Variants in PLEKHG2 observed in about 807,000 individuals in gnomAD.
PLEKHG2 encodes pleckstrin homology and RhoGEF domain containing G2.
Under a neutral mutation model 104.4 loss-of-function variants are expected in PLEKHG2, and 71 were observed. That is an observed-to-expected ratio of 0.68 (90% CI 0.56 to 0.83). The LOEUF (loss-of-function observed/expected upper bound fraction) is 0.83. Among genes scored for constraint, PLEKHG2 ranks in the 40% least tolerant of loss-of-function variants. The pLI, the probability that PLEKHG2 is intolerant of heterozygous loss-of-function variation, is 0.00. For missense variants in PLEKHG2, 1,730 were observed against 1,809.4 expected (o/e 0.96, Z 0.80); for synonymous variants, 728 against 737.0 (o/e 0.99, Z 0.20).
At position 39,423,887 on chromosome 19, in the gene PLEKHG2, T is replaced by A. The variant is rs754870838; in HGVS notation, c.2754T>A (p.His918Gln). The A allele has an allele frequency of 6.2e-7, 1 of 1,614,236 alleles. No homozygotes were observed. Among genetic ancestry groups the A allele is most frequent in the Non-Finnish European group, 8.5e-7 (1 of 1,180,044 alleles). Residue 918 changes from histidine to glutamine, a missense_variant, in exon 19 of 19, where the codon CAT (histidine) becomes CAA (glutamine). Transcript: ENST00000425673. Reference protein sequence around the residue: ...QGGSPDGQGLHVSNLPKQDLP... With the variant: ...QGGSPDGQGLQVSNLPKQDLP... ...GCAGCCCGGATGGCCAGGGTCTACA[T>A]GTTTCCAATTTGCCTAAGCAAGACC...
chr19:39,423,982 C>T lies in PLEKHG2; in HGVS notation c.2849C>T (p.Pro950Leu). Residue 950 changes from proline (P) to leucine (L), a missense_variant, in exon 19 of 19, where the codon CCA (proline) becomes CTA (leucine). By Grantham distance (98) the Pro-to-Leu change is moderately conservative. Transcript: ENST00000425673. ...GGAGGTTCCCGGCATGTCCAGGCTCCAGCCGCCACACCTTTGCCCAAGCAA... is the reference window on the plus strand; with the variant it reads ...GGAGGTTCCCGGCATGTCCAGGCTCTAGCCGCCACACCTTTGCCCAAGCAA... ...EQGGSRHVQA[P>L]AATPLPKQEG... 1 of 1,614,146 alleles carries T rather than the reference C, an allele frequency of 6.2e-7. No homozygotes were observed.
chr19:39,418,544 ACT>A (rs1029249277), intron 9 of PLEKHG2, among the ~76,000 whole-genome samples, 188 bp from the exon 10 acceptor site: 4 of 150,998 alleles, frequency 2.6e-5, no homozygotes, highest in Admixed American at 1.3e-4. Flanking sequence ...ATGCCACTGC[ACT>A]CCAGCCTGGG....
Position 39,423,781 on chromosome 19 carries a change from C to T in PLEKHG2, c.2648C>T (p.Pro883Leu), listed in dbSNP as rs201098199. ...GTGCTGGTATGTGAGCTGGCCTTCC[C>T]ACTGACATGTGCCCAGGAGTCTGTC... ...GHVLVCELAF[P>L]LTCAQESVPL... The change falls in exon 19 of 19, where the codon CCA becomes CTA. Residue 883 changes from proline to leucine, a missense_variant. Pro to Leu is a moderately conservative substitution (Grantham distance 98). Coordinates refer to ENST00000425673, the MANE Select transcript of PLEKHG2 (RefSeq NM_022835.3). 1.2e-6 allele frequency: 2 copies of T among 1,613,992 alleles called. No homozygotes were observed. Among genetic ancestry groups the T allele is most frequent in the Admixed American group, 1.7e-5 (1 of 59,996 alleles).
In PLEKHG2 at chr19:39,424,857, G is replaced by A. The variant is rs138840836; in HGVS notation, c.3724G>A (p.Gly1242Ser). The A allele has an allele frequency of 1.1e-5, 17 of 1,614,068 alleles. No individual in the cohort carries two copies. Among genetic ancestry groups the A allele is most frequent in the Non-Finnish European group, 1.4e-5 (17 of 1,180,040 alleles). The stretch of plus-strand genomic sequence containing the variant: ...CACCATGGTTTTGTCCAAACCAGGA[G>A]GCTCCTTAGCCTCTCACGTTGCCAG... ...QTTMVLSKPGGSLASHVARLE... is the reference protein window; with the variant it reads ...QTTMVLSKPGSSLASHVARLE... Residue 1242 changes from glycine to serine, a missense_variant, in exon 19 of 19, where the codon GGC (glycine) becomes AGC (serine). Physicochemically the swap from Gly to Ser is moderately conservative, Grantham distance 56. Coordinates refer to ENST00000425673, the MANE Select transcript of PLEKHG2 (RefSeq NM_022835.3).
At chr19:39,419,356 A>T (rs1451840860) in intron 11 of PLEKHG2, among the ~76,000 whole-genome samples, 1 of 151,368 alleles carries the variant, frequency 6.6e-6, no homozygotes, top group Non-Finnish European at 1.5e-5. Context: ...CAGCACTTCG[A>T]GGGGGTGATG....
Position 39,417,913 on chromosome 19 carries a change from G to T in PLEKHG2, c.891G>T (p.Gln297His). Residue 297 changes from glutamine (Q) to histidine (H), a missense_variant, in exon 9 of 19, where the codon CAG becomes CAT. Physicochemically the swap from Gln to His is conservative, Grantham distance 24 (BLOSUM62 0). Coordinates refer to ENST00000425673, the MANE Select transcript of PLEKHG2 (RefSeq NM_022835.3). ...TGGCGGGGTCCCGGCAGGAAGTGCAGCGGCGGCTGGGTGGCTGGACCGGAC... is the reference window on the plus strand; with the variant it reads ...TGGCGGGGTCCCGGCAGGAAGTGCATCGGCGGCTGGGTGGCTGGACCGGAC... ...QEHAARLQEV[Q>H]RRLGGWTGPE... 1 of 1,541,132 alleles carries T rather than the reference G, an allele frequency of 6.5e-7. No homozygotes were observed.
rs1474690454 is a variant in PLEKHG2, at chr19:39,426,702, T to C, written c.*1408T>C. 6.6e-6 allele frequency: 1 copy of C among 152,200 alleles called. No individual in the cohort carries two copies. Among genetic ancestry groups the C allele is most frequent in the Non-Finnish European group, 1.5e-5 (1 of 68,048 alleles). 9.4% of individuals were successfully genotyped at this position (152,200 alleles called of 1,614,324 possible). On this transcript the variant is annotated 3_prime_UTR_variant, in exon 19 of 19. Transcript: ENST00000425673. ...CTTCCCTCCTGGGATCATTGAAAGA[T>C]TTAGGGAGCATATCCTTCCACTTCC...
rs376990743 is a variant in PLEKHG2, at chr19:39,416,318, C to T, written c.480-30C>T. On this transcript the variant is annotated intron_variant, in intron 4 of 18. Transcript: ENST00000425673. The surrounding 1 kb of genome is among the most constrained non-coding windows in gnomAD (Gnocchi z 4.5). Reference sequence around the variant, plus strand: ...CCCATGGAGGGGTCGTGAAGGCAGGCGGTTCCTCACCCTCCCCTCTCCCCT... The same window carrying T: ...CCCATGGAGGGGTCGTGAAGGCAGGTGGTTCCTCACCCTCCCCTCTCCCCT... 2.4e-5 allele frequency: 39 copies of T among 1,609,884 alleles called. No homozygotes were observed. Among genetic ancestry groups the T allele is most frequent in the Middle Eastern group, 4.1e-4 (2 of 4,830 alleles).
Position 39,417,013 on chromosome 19 carries a change from C to T in PLEKHG2, c.744+13C>T, listed in dbSNP as rs745980969. ...TCTGCTGCTGCAGGTCAGCTGGGGC[C>T]CCTGGAGCCAGGCTGGGGAGGGGGA... On this transcript the variant is annotated intron_variant, in intron 7 of 18. Coordinates refer to ENST00000425673, the MANE Select transcript of PLEKHG2 (RefSeq NM_022835.3). The T allele has an allele frequency of 1.3e-6, 2 of 1,588,730 alleles. No individual in the cohort carries two copies. The highest frequency in any genetic ancestry group is 2.2e-5 in the South Asian group (2 of 89,058).
intron 7 of PLEKHG2, 33 bp downstream of exon 7, chr19:39,417,033 G>A (rs763986023): frequency 1.3e-6 from 2 of 1,573,942 alleles, no homozygotes; most frequent in Admixed American, 1.8e-5. Flanking sequence ...AGGCTGGGGA[G>A]GGGGAGGTCC....
In PLEKHG2 at chr19:39,415,104, C is replaced by T. The variant is rs1418852574; in HGVS notation, c.222C>T (p.Ala74=). The part of the protein sequence containing the change: ...PAPGPTPACS[A]SRPEPLPGPP... ...CTGGGCCCACTCCAGCCTGCTCAGCCTCCAGGCCAGAGCCCCTTCCAGGGC... is the reference window on the plus strand; with the variant it reads ...CTGGGCCCACTCCAGCCTGCTCAGCTTCCAGGCCAGAGCCCCTTCCAGGGC... The change falls in exon 3 of 19, where the codon GCC becomes GCT. Residue 74 remains alanine, a synonymous_variant. Coordinates refer to ENST00000425673, the MANE Select transcript of PLEKHG2 (RefSeq NM_022835.3). This position sits in a 1 kb window ranked among gnomAD's most constrained non-coding sequence, Gnocchi z 4.6. 6.3e-7 allele frequency: 1 copy of T among 1,595,762 alleles called. No homozygotes were observed. Among genetic ancestry groups the T allele is most frequent in the Non-Finnish European group, 8.5e-7 (1 of 1,171,188 alleles).
rs59475599 is a variant in PLEKHG2 at position 39,427,337 on chromosome 19, A to AT, written c.*2058dup. ...CCATCATTCCTGGCTGGGAATCCGA[A>AT]TTTTTTTTTTTTTTTAGACGGAGTT... On this transcript the variant is annotated 3_prime_UTR_variant, in exon 19 of 19. Coordinates refer to ENST00000425673, the MANE Select transcript of PLEKHG2 (RefSeq NM_022835.3). The AT allele has an allele frequency of 5.0e-4, 69 of 139,194 alleles. No individual in the cohort carries two copies. Among genetic ancestry groups the AT allele is most frequent in the East Asian group, 8.9e-4 (4 of 4,474 alleles). 8.6% of individuals were successfully genotyped at this position (139,194 alleles called of 1,614,324 possible).
chr19:39,423,719 C>T lies in PLEKHG2; in HGVS notation c.2600-14C>T. On this transcript the variant is annotated splice_polypyrimidine_tract_variant and intron_variant, in intron 18 of 18. Coordinates refer to ENST00000425673, the MANE Select transcript of PLEKHG2 (RefSeq NM_022835.3). ...GGAGTAGTGGTCCTGACTCGATCCT[C>T]TTTTCGCATTCAGGGCTCCTGCCTG... The T allele has an allele frequency of 1.2e-6, 2 of 1,602,028 alleles. No homozygotes were observed. The highest frequency in any genetic ancestry group is 8.5e-7 in the Non-Finnish European group (1 of 1,172,654).
At position 39,417,488 on chromosome 19, in the gene PLEKHG2, A is replaced by G. The variant is rs1313548315; in HGVS notation, c.745-67A>G. On this transcript the variant is annotated intron_variant, in intron 7 of 18. Transcript: ENST00000425673. The stretch of plus-strand genomic sequence containing the variant: ...TCTTTATATTTCTCCATCTCCTGTT[A>G]TTCTCATTCTCTTTCTCCTTCTCTG... 1.5e-5 allele frequency: 24 copies of G among 1,569,128 alleles called. No homozygotes were observed. In the East Asian group the frequency reaches 5.4e-4, roughly 36 times the overall value.
chr19:39,422,997 G>A lies in PLEKHG2; in HGVS notation c.1943G>A (p.Cys648Tyr). Reference sequence around the variant, plus strand: ...AACCTTCCTGAAATTCCCAGCCGCTGTGAAATTCCCGAAGGTTCTCGCCTT... The same window carrying A: ...AACCTTCCTGAAATTCCCAGCCGCTATGAAATTCCCGAAGGTTCTCGCCTT... Reference protein sequence around the residue: ...VPNLPEIPSRCEIPEGSRLPS... With the variant: ...VPNLPEIPSRYEIPEGSRLPS... Residue 648 changes from cysteine (C) to tyrosine (Y), a missense_variant, in exon 18 of 19, where the codon TGT becomes TAT. Cys to Tyr is a radical substitution (Grantham distance 194, BLOSUM62 -2). Transcript: ENST00000425673. 1.2e-6 allele frequency: 2 copies of A among 1,614,206 alleles called. No homozygotes were observed. Among genetic ancestry groups the A allele is most frequent in the Middle Eastern group, 3.3e-4 (2 of 6,062 alleles).
intron 13 of PLEKHG2, 42 bp from the exon 14 acceptor site, chr19:39,420,907 G>T (rs766628724): frequency 3.7e-6 from 6 of 1,613,834 alleles, no homozygotes; most frequent in Middle Eastern, 1.6e-4. Flanking sequence ...CCTAGGACCC[G>T]GGAGCTGGGC....
Position 39,425,210 on chromosome 19 carries a change from C to A in PLEKHG2, c.4077C>A (p.Asn1359Lys), listed in dbSNP as rs764465631. 3 of 1,612,886 alleles carry A rather than the reference C, an allele frequency of 1.9e-6. No homozygotes were observed. The highest frequency in any genetic ancestry group is 2.2e-5 in the East Asian group (1 of 44,880). ...LRPAKAQVRL[N>K]HPALLASTQE... ...CAGCCAAGGCCCAGGTCCGGTTGAA[C>A]CACCCTGCTCTCTTGGCCTCCACAC... The change falls in exon 19 of 19, where the codon AAC becomes AAA. Residue 1359 changes from asparagine (N) to lysine (K), a missense_variant. Asn to Lys is a moderately conservative substitution (Grantham distance 94). Transcript: ENST00000425673.
In PLEKHG2 at chr19:39,416,923, C is replaced by G; in HGVS notation, c.667C>G (p.Leu223Val). 1 of 1,613,314 alleles carries G rather than the reference C, an allele frequency of 6.2e-7. No homozygotes were observed. The highest frequency in any genetic ancestry group is 1.7e-4 in the Middle Eastern group (1 of 6,060). Reference protein sequence around the residue: ...ALWLQERQAQLRHSLPLQSFL... With the variant: ...ALWLQERQAQVRHSLPLQSFL... ...GTGGCTGCAGGAGCGCCAGGCCCAG[C>G]TTCGCCACTCGCTGCCCCTGCAGAG... Residue 223 changes from leucine to valine, a missense_variant, in exon 7 of 19, where the codon CTT (leucine) becomes GTT (valine). By Grantham distance (32) the Leu-to-Val change is conservative. Transcript: ENST00000425673. This position sits in a 1 kb window ranked among gnomAD's most constrained non-coding sequence, Gnocchi z 4.5.
rs151315025 is a variant in PLEKHG2, at chr19:39,423,086, C to T, written c.2032C>T (p.Pro678Ser). Residue 678 changes from proline (P) to serine (S), a missense_variant, in exon 18 of 19, where the codon CCC (proline) becomes TCC (serine). Pro to Ser is a moderately conservative substitution (Grantham distance 74, BLOSUM62 -1). Transcript: ENST00000425673. ...CTGCCTTCCAGCCATACCTAGTGTC[C>T]CCAACACCCCCAGTCTGTCTAGCAC... ...MPCLPAIPSV[P>S]NTPSLSSTPT... The T allele has an allele frequency of 1.9e-6, 3 of 1,614,152 alleles. No individual in the cohort carries two copies. Among genetic ancestry groups the T allele is most frequent in the African/African-American group, 2.7e-5 (2 of 75,028 alleles).
Sources: gnomAD v4.1 joint callset for allele counts (sites outside exome capture counted in the v4.1 genomes callset) on GRCh38, gnomAD v4.1.1 for gene constraint, Gnocchi (gnomAD v3.1) non-coding constraint, MANE v1.5 for transcripts, NCBI Gene and HGNC (gene_info 2026-07-23, HGNC 2026-07-21) for gene names.